The following PEAK1 variants were observed in gnomAD, a reference collection of about 807,000 sequenced individuals.
The protein encoded by PEAK1 is pseudopodium enriched atypical kinase 1, also known as inactive tyrosine-protein kinase PEAK1.
In PEAK1, 54 loss-of-function variants were observed where a neutral mutation model predicts 124.7. That is an observed-to-expected ratio of 0.43 (90% CI 0.35 to 0.54). The LOEUF (loss-of-function observed/expected upper bound fraction) is 0.54, where lower values mean the gene tolerates loss of function less well. Ranked by LOEUF, PEAK1 falls within the 20% of genes least tolerant of loss-of-function variation. The pLI, the probability that PEAK1 is intolerant of heterozygous loss-of-function variation, is 0.01. For synonymous variants in PEAK1, 719 were observed against 760.0 expected (o/e 0.95, Z 0.89); for missense variants, 2,046 against 2,134.5 (o/e 0.96, Z 0.82).
chr15:77,197,639 C>T (rs1361269450), intron 6 of PEAK1, among the ~76,000 whole-genome samples: 2 of 151,952 alleles, frequency 1.3e-5, no homozygotes, highest in East Asian at 3.9e-4. Context: ...TGAGATAAGA[C>T]AAAACCCAGG....
At chr15:77,276,322 GAA>G (rs2062324480) in intron 5 of PEAK1, among the ~76,000 whole-genome samples, 1 of 152,180 alleles carries the variant, frequency 6.6e-6, no homozygotes, top group African/African-American at 2.4e-5. Flanking sequence ...TGAAGACACA[GAA>G]AAAATCTTGA....
intron 6 of PEAK1, among the ~76,000 whole-genome samples, chr15:77,217,371 C>A (rs1253051733): frequency 6.6e-6 from 1 of 152,006 alleles, no homozygotes; most frequent in Admixed American, 6.6e-5. Context: ...TTTTGGGATG[C>A]TCAAGGCATT....
At chr15:77,247,409 C>A (rs970589410) in intron 6 of PEAK1, among the ~76,000 whole-genome samples, 18 of 150,938 alleles carry the variant, frequency 1.2e-4, no homozygotes, top group African/African-American at 4.1e-4. Flanking sequence ...TGAATTAATG[C>A]AGTATCTAAC....
At chr15:77,196,071 T>C (rs1277456694) in intron 6 of PEAK1, among the ~76,000 whole-genome samples, 2 of 152,220 alleles carry the variant, frequency 1.3e-5, no homozygotes, top group Non-Finnish European at 2.9e-5. Flanking sequence ...GGGTCTATAG[T>C]GTTTCTACTA....
chr15:77,320,187 T>C (rs918595443), intron 2 of PEAK1, among the ~76,000 whole-genome samples: 1 of 152,160 alleles, frequency 6.6e-6, no homozygotes, highest in African/African-American at 2.4e-5. Flanking sequence ...GTGTCCCTGT[T>C]ACCTGACCTC....
intron 2 of PEAK1, among the ~76,000 whole-genome samples, chr15:77,297,329 A>G (rs958993899): frequency 6.6e-6 from 1 of 151,834 alleles, no homozygotes; most frequent in African/African-American, 2.4e-5. Context: ...CTCCAAGCTG[A>G]AAATTTAAAA....
chr15:77,106,761 G>A (rs1440601588), downstream of PEAK1: 1 of 152,188 alleles, frequency 6.6e-6, no homozygotes, highest in Non-Finnish European at 1.5e-5. Context: ...GTGCTGGGGT[G>A]ATTACCCTTA....
intron 2 of PEAK1, among the ~76,000 whole-genome samples, chr15:77,305,621 CAG>C (rs1037493407): frequency 1.4e-4 from 22 of 152,260 alleles, no homozygotes; most frequent in Middle Eastern, 3.4e-3. Flanking sequence ...TGGAATAAAA[CAG>C]AGAATGAGTA....
chr15:77,241,126 T>G (rs1288310806), intron 6 of PEAK1, among the ~76,000 whole-genome samples: 1 of 152,138 alleles, frequency 6.6e-6, no homozygotes, highest in Non-Finnish European at 1.5e-5. Flanking sequence ...GTAAAAAGCA[T>G]AATGCATCAC....
chr15:77,197,322 G>A (rs532084824), intron 6 of PEAK1, among the ~76,000 whole-genome samples: 42 of 152,230 alleles, frequency 2.8e-4, no homozygotes, highest in African/African-American at 9.9e-4. Flanking sequence ...TCATGACAAA[G>A]GCCATTTTAT....
intron 1 of PEAK1, among the ~76,000 whole-genome samples, chr15:77,396,570 T>TA (rs1214612841): frequency 6.6e-6 from 1 of 151,418 alleles, no homozygotes; most frequent in Non-Finnish European, 1.5e-5. Context: ...ATACTGAAAA[T>TA]AAAGAAATGG....
chr15:77,165,626 T>G (rs1283409933), intron 7 of PEAK1, among the ~76,000 whole-genome samples: 1 of 152,094 alleles, frequency 6.6e-6, no homozygotes, highest in African/African-American at 2.4e-5. Context: ...AGTAGGGAGA[T>G]GCTGAGAAAT....
At chr15:77,159,709 G>C (rs924941026) in intron 7 of PEAK1, among the ~76,000 whole-genome samples, 1 of 152,206 alleles carries the variant, frequency 6.6e-6, no homozygotes, top group Non-Finnish European at 1.5e-5. Flanking sequence ...AATTGGCAGT[G>C]AGTCATGGTG....
At chr15:77,371,539 A>G (rs544029570) in intron 1 of PEAK1, 1 of 786,914 alleles carries the variant, frequency 1.3e-6, no homozygotes, top group Admixed American at 6.3e-5. Context: ...CACCACCACC[A>G]TCATCATCAT....
intron 8 of PEAK1, chr15:77,155,377 T>G (rs1177506025): frequency 2.6e-5 from 4 of 152,268 alleles, no homozygotes; most frequent in East Asian, 3.9e-4. Flanking sequence ...ATTCTAGTTA[T>G]CCATTCGTCT....
chr15:77,319,977 C>T (rs1474419000), intron 2 of PEAK1, among the ~76,000 whole-genome samples: 1 of 152,142 alleles, frequency 6.6e-6, no homozygotes, highest in Non-Finnish European at 1.5e-5. Context: ...TTATAAATAA[C>T]AAAATGCCTT....
intron 5 of PEAK1, among the ~76,000 whole-genome samples, chr15:77,281,617 A>T (rs936028559): frequency 6.6e-6 from 1 of 152,194 alleles, no homozygotes; most frequent in African/African-American, 2.4e-5. Flanking sequence ...TTTTCATAAA[A>T]GAAATAAAAA....
At chr15:77,164,288 AT>A (rs1271217417) in intron 7 of PEAK1, among the ~76,000 whole-genome samples, 1 of 152,166 alleles carries the variant, frequency 6.6e-6, no homozygotes, top group Non-Finnish European at 1.5e-5. Context: ...AAAATGTTGA[AT>A]TTCTTATCCT....
At chr15:77,198,988 C>T (rs1204454375) in intron 6 of PEAK1, among the ~76,000 whole-genome samples, 4 of 152,182 alleles carry the variant, frequency 2.6e-5, no homozygotes, top group Non-Finnish European at 5.9e-5. Context: ...TTTATTTCAT[C>T]TATTTGTATG....
Sources: allele counts gnomAD v4.1 joint callset (sites outside exome capture counted in the v4.1 genomes callset), GRCh38; gene constraint gnomAD v4.1.1; transcripts MANE v1.5; gene names NCBI Gene and HGNC (gene_info 2026-07-23, HGNC 2026-07-21).